XRRA1: variants seen among roughly 807,000 people sequenced by gnomAD.
XRRA1 encodes the protein X-ray radiation resistance-associated protein 1.
A neutral mutation model predicts 80.2 loss-of-function variants in XRRA1; 69 were observed. The ratio of observed to expected loss-of-function variants is 0.86; its 90% CI spans 0.71 to 1.05. The LOEUF (loss-of-function observed/expected upper bound fraction) is 1.05. Ranked by LOEUF, XRRA1 falls within the 50% of genes least tolerant of loss-of-function variation. XRRA1 has a pLI of 0.00. For synonymous variants in XRRA1, 348 were observed against 389.9 expected (o/e 0.89, Z 1.27); for missense variants, 967 against 976.4 (o/e 0.99, Z 0.13).
chr11:74,940,170 T>C lies in XRRA1; in HGVS notation c.94+615A>G, dbSNP rs143144667. Among the ~76,000 whole-genome samples the C allele has an allele frequency of 9.1e-3, 1,381 of 152,330 alleles. 27 individuals are homozygous for C. Among genetic ancestry groups the C allele is most frequent in the African/African-American group, 0.031 (1,305 of 41,560 alleles). On this transcript the variant is annotated intron_variant, in intron 3 of 18. Coordinates refer to ENST00000684022, the MANE Select transcript of XRRA1 (RefSeq NM_001378157.1). The stretch of plus-strand genomic sequence containing the variant: ...GAACCAATACTTAGTGTTTCACCTA[T>C]AGGGCTCTTATTATGACAATTCCCT...
At chr11:74,862,054 C>CT (rs2042420880) in intron 11 of XRRA1, among the ~76,000 whole-genome samples, 1 of 152,176 alleles carries the variant, frequency 6.6e-6, no homozygotes, top group East Asian at 1.9e-4. Flanking sequence ...AGAAGTGACA[C>CT]TATTTCAATT....
At chr11:74,944,214 C>T (rs1213967665) in intron 2 of XRRA1, among the ~76,000 whole-genome samples, 1 of 152,094 alleles carries the variant, frequency 6.6e-6, no homozygotes. Flanking sequence ...TATGAATTTC[C>T]AAGTCTGGAA....
intron 10 of XRRA1, among the ~76,000 whole-genome samples, chr11:74,873,338 A>G (rs1385046506): frequency 6.6e-6 from 1 of 152,228 alleles, no homozygotes; most frequent in Non-Finnish European, 1.5e-5. Context: ...CACATCATTA[A>G]TAAGGCCATA....
intron 16 of XRRA1, 44 bp from the exon 17 acceptor site, chr11:74,844,327 T>A (rs535756655): frequency 7.0e-7 from 1 of 1,431,178 alleles, no homozygotes; most frequent in Admixed American, 1.7e-5. Flanking sequence ...TTCCCCCTCC[T>A]CCTCCCAGAT....
Position 74,906,314 on chromosome 11 carries a change from G to A in XRRA1, c.928C>T (p.Pro310Ser). 1 of 1,613,954 alleles carries A rather than the reference G, an allele frequency of 6.2e-7. No individual in the cohort carries two copies. The highest frequency in any genetic ancestry group is 1.1e-5 in the South Asian group (1 of 91,082). The change falls in exon 10 of 19, where the codon CCA becomes TCA. Residue 310 changes from proline (P) to serine (S), a missense_variant. Transcript: ENST00000684022. ...KEPQFMLQSKPRMLEDSDEQL... is the reference protein window; with the variant it reads ...KEPQFMLQSKSRMLEDSDEQL... ...TCATCTGAGTCCTCAAGCATCCTTGGCTTGGACTGCAGCATGAATTGGGGC... is the reference window on the plus strand; with the variant it reads ...TCATCTGAGTCCTCAAGCATCCTTGACTTGGACTGCAGCATGAATTGGGGC...
intron 8 of XRRA1, among the ~76,000 whole-genome samples, chr11:74,912,861 GAAC>G (rs1248520955): frequency 1.3e-5 from 2 of 152,138 alleles, no homozygotes; most frequent in Admixed American, 6.5e-5. Context: ...GCTACACTAT[GAAC>G]AACACAGATA....
intron 5 of XRRA1, among the ~76,000 whole-genome samples, chr11:74,932,522 G>A (rs1419677467): frequency 6.6e-6 from 1 of 152,162 alleles, no homozygotes; most frequent in Non-Finnish European, 1.5e-5. Flanking sequence ...CCAGCAAATA[G>A]CACAGAGACA....
intron 3 of XRRA1, among the ~76,000 whole-genome samples, chr11:74,940,202 G>C (rs574344117): frequency 6.6e-6 from 1 of 152,136 alleles, no homozygotes; most frequent in African/African-American, 2.4e-5. Context: ...CCCTGCTCCA[G>C]GGAAGTTTTT....
chr11:74,911,235 C>T (rs947355931), intron 8 of XRRA1: 4 of 151,958 alleles, frequency 2.6e-5, no homozygotes, highest in Non-Finnish European at 5.9e-5. Context: ...GGTCTGGAGC[C>T]CCACAGCTTT....
At chr11:74,879,636 C>T (rs1276714622) in intron 10 of XRRA1, among the ~76,000 whole-genome samples, 2 of 151,928 alleles carry the variant, frequency 1.3e-5, no homozygotes, top group Non-Finnish European at 2.9e-5. Flanking sequence ...TGAAATACGT[C>T]CCATCAATAC....
chr11:74,880,617 C>T (rs1485493904), intron 10 of XRRA1, among the ~76,000 whole-genome samples: 1 of 151,528 alleles, frequency 6.6e-6, no homozygotes, highest in Non-Finnish European at 1.5e-5. Flanking sequence ...AAATTTCCCT[C>T]TACAAACTGC....
In XRRA1 at chr11:74,843,285, C is replaced by A; in HGVS notation, c.2318G>T (p.Ser773Ile). 1 of 1,591,334 alleles carries A rather than the reference C, an allele frequency of 6.3e-7. No individual in the cohort carries two copies. Among genetic ancestry groups the A allele is most frequent in the Non-Finnish European group, 8.6e-7 (1 of 1,169,224 alleles). ...TPLPMACPAL[S>I]ESQPKFGHFL... Reference sequence around the variant, plus strand: ...GTGGCCGAACTTGGGCTGGCTCTCACTCAGCGCTGGGCAGGCCATGGGGAG... The same window carrying A: ...GTGGCCGAACTTGGGCTGGCTCTCAATCAGCGCTGGGCAGGCCATGGGGAG... The change falls in exon 19 of 19, where the codon AGT (serine) becomes ATT (isoleucine). Residue 773 changes from serine (S) to isoleucine (I), a missense_variant. By Grantham distance (142) the Ser-to-Ile change is moderately radical. Transcript: ENST00000684022.
At chr11:74,847,699 T>C (rs1286169330) in intron 15 of XRRA1, among the ~76,000 whole-genome samples, 1 of 152,168 alleles carries the variant, frequency 6.6e-6, no homozygotes, top group Non-Finnish European at 1.5e-5. Context: ...TGTTCCTGTC[T>C]ATGTTCCCCA....
intron 1 of XRRA1, 37 bp from the exon 2 acceptor site, chr11:74,945,122 A>C (rs922656474): frequency 2.0e-5 from 3 of 152,202 alleles, no homozygotes; most frequent in Non-Finnish European, 4.4e-5. Context: ...TTAGCCTGCT[A>C]TTCAGAGCTC....
chr11:74,892,249 T>C (rs1432682167), intron 10 of XRRA1, among the ~76,000 whole-genome samples: 2 of 152,116 alleles, frequency 1.3e-5, no homozygotes, highest in East Asian at 1.9e-4. Context: ...GAAATAACGC[T>C]GCATATCTAC....
intron 10 of XRRA1, among the ~76,000 whole-genome samples, chr11:74,884,998 T>G (rs373129836): frequency 2.0e-5 from 3 of 152,202 alleles, no homozygotes; most frequent in East Asian, 1.9e-4. Context: ...ATATGGTGGC[T>G]AATGCCTGTA....
intron 10 of XRRA1, among the ~76,000 whole-genome samples, chr11:74,897,174 C>T (rs373061633): frequency 3.3e-5 from 5 of 151,470 alleles, no homozygotes; most frequent in South Asian, 4.2e-4. Flanking sequence ...ACAAACAGAT[C>T]GAAATAATTA....
chr11:74,878,303 TG>T (rs1261109376), intron 10 of XRRA1, among the ~76,000 whole-genome samples: 1 of 151,706 alleles, frequency 6.6e-6, no homozygotes, highest in Non-Finnish European at 1.5e-5. Context: ...CACTTTTTGA[TG>T]GGGTTGTTTG....
intron 10 of XRRA1, among the ~76,000 whole-genome samples, chr11:74,879,466 T>C (rs2046928644): frequency 6.6e-6 from 1 of 152,098 alleles, no homozygotes; most frequent in Non-Finnish European, 1.5e-5. Flanking sequence ...TTCCTTCTCC[T>C]GCCTAATTGC....
Sources: gnomAD v4.1 joint callset for allele counts (sites outside exome capture counted in the v4.1 genomes callset) on GRCh38, gnomAD v4.1.1 for gene constraint, MANE v1.5 for transcripts, NCBI Gene and HGNC (gene_info 2026-07-23, HGNC 2026-07-21) for gene names.